Variants in CTNNA3 observed in about 807,000 individuals in gnomAD.
CTNNA3 encodes the protein catenin alpha 3, also known as catenin alpha-3.
A neutral mutation model predicts 95.7 loss-of-function variants in CTNNA3; 76 were observed. That is an observed-to-expected ratio of 0.79 (90% CI 0.66 to 0.96). The LOEUF (loss-of-function observed/expected upper bound fraction) is 0.96. Among genes scored for constraint, CTNNA3 ranks in the 40% least tolerant of loss-of-function variants. The pLI is 0.00. For missense variants in CTNNA3, 1,191 were observed against 1,089.8 expected, an observed-to-expected ratio of 1.09 and a Z score of -1.31; for synonymous variants, 431 against 374.4, an observed-to-expected ratio of 1.15 and a Z score of -1.74.
chr10:67,458,715 C>T (rs529247969), intron 5 of CTNNA3, among the ~76,000 whole-genome samples: 50 of 152,136 alleles, frequency 3.3e-4, no homozygotes, highest in African/African-American at 1.2e-3. Flanking sequence ...CCCATCTCTA[C>T]TAAAAATACA....
At chr10:66,669,516 T>G (rs2132467390) in intron 9 of CTNNA3, among the ~76,000 whole-genome samples, 1 of 152,130 alleles carries the variant, frequency 6.6e-6, no homozygotes, top group East Asian at 1.9e-4. Flanking sequence ...TACTCCAGCC[T>G]GGGTGACAGA....
chr10:67,506,236 T>C (rs536819866), intron 5 of CTNNA3, among the ~76,000 whole-genome samples: 1 of 152,168 alleles, frequency 6.6e-6, no homozygotes, highest in Non-Finnish European at 1.5e-5. Flanking sequence ...TTCTAAATCA[T>C]TGAACAAAAT....
chr10:67,615,008 A>T (rs926360476), intron 2 of CTNNA3, among the ~76,000 whole-genome samples: 3 of 152,098 alleles, frequency 2.0e-5, no homozygotes, highest in Non-Finnish European at 4.4e-5. Context: ...TTTTAATTTA[A>T]TTACTTCTAT....
intron 4 of CTNNA3, among the ~76,000 whole-genome samples, chr10:67,537,989 G>T (rs1258856629): frequency 6.7e-6 from 1 of 149,176 alleles, no homozygotes; most frequent in African/African-American, 2.5e-5. Context: ...AGATTGAATT[G>T]CTCTTTTTAC....
rs1272733690 is a variant in CTNNA3, at chr10:67,024,487, A to T, written c.1047+155830T>A. On this transcript the variant is annotated intron_variant, in intron 7 of 17. Coordinates refer to ENST00000433211, the MANE Select transcript of CTNNA3 (RefSeq NM_013266.4). ...ATAGTTGCAGGTTCTGGTGATTAGGAAGTAAACATCTTTGGTGGGTGGAGG... is the reference window on the plus strand; with the variant it reads ...ATAGTTGCAGGTTCTGGTGATTAGGTAGTAAACATCTTTGGTGGGTGGAGG... 3.3e-5 allele frequency among the ~76,000 whole-genome samples: 5 copies of T among 152,212 alleles called. No homozygotes were observed. In the East Asian group the frequency reaches 7.7e-4, roughly 23 times the overall value.
intron 1 of CTNNA3, chr10:67,750,721 G>A (rs1589589117): frequency 2.5e-6 from 4 of 1,576,256 alleles, no homozygotes; most frequent in Non-Finnish European, 3.5e-6. Context: ...GGCCATGGAG[G>A]AGCTGGTGGA....
chr10:67,314,189 A>C (rs527530006), intron 5 of CTNNA3, among the ~76,000 whole-genome samples: 1 of 152,338 alleles, frequency 6.6e-6, no homozygotes, highest in Non-Finnish European at 1.5e-5. Context: ...ATAGGCATTT[A>C]ATAATTAAAA....
chr10:66,965,364 G>T (rs1026491569), intron 7 of CTNNA3, among the ~76,000 whole-genome samples: 1 of 151,718 alleles, frequency 6.6e-6, no homozygotes, highest in African/African-American at 2.4e-5. Context: ...GTGAAACCCT[G>T]TCTCTACTAA....
intron 2 of CTNNA3, among the ~76,000 whole-genome samples, chr10:67,646,977 A>G (rs964448953): frequency 7.2e-5 from 11 of 152,014 alleles, no homozygotes; most frequent in African/African-American, 2.2e-4. Context: ...TTTTAAAGGT[A>G]GTTTCCCATT....
chr10:66,674,720 T>A (rs1331819187), intron 9 of CTNNA3, among the ~76,000 whole-genome samples: 1 of 152,086 alleles, frequency 6.6e-6, no homozygotes, highest in Non-Finnish European at 1.5e-5. Flanking sequence ...TACTTTATTA[T>A]CTGTTCATAT....
intron 5 of CTNNA3, among the ~76,000 whole-genome samples, chr10:67,228,338 A>G (rs1768871732): frequency 6.6e-6 from 1 of 152,302 alleles, no homozygotes; most frequent in East Asian, 1.9e-4. Flanking sequence ...AGATAGGCCA[A>G]GCACAGTGGC....
chr10:67,260,588 C>T (rs1329943751), intron 5 of CTNNA3, among the ~76,000 whole-genome samples: 1 of 152,150 alleles, frequency 6.6e-6, no homozygotes, highest in Non-Finnish European at 1.5e-5. Context: ...AGTGTCCTAC[C>T]AATAATGCCG....
At chr10:66,696,794 C>T (rs1193755871) in intron 9 of CTNNA3, among the ~76,000 whole-genome samples, 1 of 151,770 alleles carries the variant, frequency 6.6e-6, no homozygotes, top group African/African-American at 2.4e-5. Flanking sequence ...AAAGAATTAT[C>T]CAAGCATGGT....
At chr10:67,258,899 CTT>C (rs1417905736) in intron 5 of CTNNA3, among the ~76,000 whole-genome samples, 1 of 152,174 alleles carries the variant, frequency 6.6e-6, no homozygotes, top group Non-Finnish European at 1.5e-5. Context: ...GCTCAAGTCT[CTT>C]ATATAAAATA....
At chr10:66,248,147 G>A (rs900046536) in intron 13 of CTNNA3, among the ~76,000 whole-genome samples, 4 of 151,958 alleles carry the variant, frequency 2.6e-5, no homozygotes, top group African/African-American at 9.7e-5. Flanking sequence ...TCATTTGTTT[G>A]TTTATGCCAT....
Position 67,081,354 on chromosome 10 carries a change from G to A in CTNNA3, c.1047+98963C>T, listed in dbSNP as rs890486331. Among the ~76,000 whole-genome samples the A allele has an allele frequency of 7.9e-5, 12 of 152,162 alleles. 1 individual carries two copies. Among genetic ancestry groups the A allele is most frequent in the Admixed American group, 5.9e-4 (9 of 15,276 alleles). On this transcript the variant is annotated intron_variant, in intron 7 of 17. Transcript: ENST00000433211. Reference sequence around the variant, plus strand: ...TGAGGAGTTTTTCAATCAATCAGTAGTAATACAATCATCTCTTTCACTTAT... The same window carrying A: ...TGAGGAGTTTTTCAATCAATCAGTAATAATACAATCATCTCTTTCACTTAT...
chr10:65,938,743 T>C (rs1482653902), intron 17 of CTNNA3, among the ~76,000 whole-genome samples: 1 of 152,118 alleles, frequency 6.6e-6, no homozygotes, highest in Non-Finnish European at 1.5e-5. Context: ...CAGTTTAGCA[T>C]TGAGTTATTC....
At chr10:67,726,626 T>A (rs1589582367) in intron 1 of CTNNA3, among the ~76,000 whole-genome samples, 1 of 4,884 alleles carries the variant, frequency 2.0e-4, no homozygotes, top group Non-Finnish European at 3.8e-4. Flanking sequence ...ATAATATATA[T>A]TATATTATAT....
intron 13 of CTNNA3, among the ~76,000 whole-genome samples, chr10:66,267,274 G>T (rs992582532): frequency 6.6e-6 from 1 of 151,980 alleles, no homozygotes; most frequent in African/African-American, 2.4e-5. Context: ...TGGCGTCCAG[G>T]TACCCTTCAC....
Sources: gnomAD v4.1 joint callset for allele counts (sites outside exome capture counted in the v4.1 genomes callset) on GRCh38, gnomAD v4.1.1 for gene constraint, MANE v1.5 for transcripts, NCBI Gene and HGNC (gene_info 2026-07-23, HGNC 2026-07-21) for gene names.